Variants in RTL3 observed in about 807,000 individuals in gnomAD.
RTL3 encodes retrotransposon Gag-like protein 3.
For synonymous variants in RTL3, 181 were observed against 132.2 expected (o/e 1.37, Z -2.53); for missense variants, 468 against 341.8 (o/e 1.37, Z -2.91).
Position 78,657,856 on chromosome X carries a change from G to A in RTL3, c.565C>T (p.Gln189Ter), listed in dbSNP as rs1174455473. 1 of 1,206,793 alleles carries A rather than the reference G, an allele frequency of 8.3e-7. No individual in the cohort carries two copies. Among genetic ancestry groups the A allele is most frequent in the African/African-American group, 1.8e-5 (1 of 56,686 alleles). The change falls in exon 2 of 2, where the codon CAG (glutamine) becomes TAG (stop). Residue 189 changes from glutamine to a stop codon, truncating the protein, a stop_gained. Coordinates refer to ENST00000321110, the MANE Select transcript of RTL3 (RefSeq NM_152694.3). LOFTEE classifies it low-confidence loss of function (END_TRUNC). ...GCATTTGAAGGCTCCAGAGGCTCCT[G>A]GGGAGGTGGAAGCTCAAGGAACTCT... ...QLEFLELPPP[Q>*]EPLEPSNAQE...
Position 78,657,430 on chromosome X carries a change from G to A in RTL3, c.991C>T (p.Gln331Ter). ...NMKDANQCIH[Q>*]LCQGEGHVAT... ...ACATGACCCTCCCCTTGGCAGAGTTGATGGATGCACTGGTTGGCATCTTTC... is the reference window on the plus strand; with the variant it reads ...ACATGACCCTCCCCTTGGCAGAGTTAATGGATGCACTGGTTGGCATCTTTC... The change falls in exon 2 of 2, where the codon CAA becomes TAA. Residue 331 changes from glutamine (Q) to a stop codon, truncating the protein, a stop_gained. Coordinates refer to ENST00000321110, the MANE Select transcript of RTL3 (RefSeq NM_152694.3). LOFTEE classifies it low-confidence loss of function (END_TRUNC). 8.3e-7 allele frequency: 1 copy of A among 1,211,608 alleles called. No homozygotes were observed. The highest frequency in any genetic ancestry group is 1.1e-6 in the Non-Finnish European group (1 of 895,343).
At position 78,656,866 on chromosome X, in the gene RTL3, A is replaced by G; in HGVS notation, c.*127T>C. Reference sequence around the variant, plus strand: ...GCTGTTTCTGTAGGAGCCTGAATCTACCATTGCTTGCTCAAAGAATTATCT... The same window carrying G: ...GCTGTTTCTGTAGGAGCCTGAATCTGCCATTGCTTGCTCAAAGAATTATCT... On this transcript the variant is annotated 3_prime_UTR_variant, in exon 2 of 2. Coordinates refer to ENST00000321110, the MANE Select transcript of RTL3 (RefSeq NM_152694.3). The G allele has an allele frequency of 1.4e-6, 1 of 730,115 alleles. No homozygotes were observed. The highest frequency in any genetic ancestry group is 1.9e-6 in the Non-Finnish European group (1 of 516,042). 60.2% of individuals were successfully genotyped at this position (730,115 alleles called of 1,213,427 possible). A position where few individuals can be genotyped will look rare whatever the true frequency, so the allele number is the denominator to read the frequency against.
In RTL3 at chrX:78,657,993, T is replaced by C; in HGVS notation, c.428A>G (p.Asn143Ser). ...TTGGGCTATTGTGGCATCCTGGGTG[T>C]TTGCAGGCCCCTGGCCCTCCAAGAC... is the stretch of plus-strand genomic sequence containing the variant. The part of the protein sequence containing the change: ...PTVLEGQGPA[N>S]TQDATIAQEP... The change falls in exon 2 of 2, where the codon AAC becomes AGC. Residue 143 changes from asparagine to serine, a missense_variant. Transcript: ENST00000321110. 1.7e-6 allele frequency: 2 copies of C among 1,197,149 alleles called. No homozygotes were observed. Among genetic ancestry groups the C allele is most frequent in the Non-Finnish European group, 2.2e-6 (2 of 890,822 alleles).
At position 78,656,806 on chromosome X, in the gene RTL3, G is replaced by A. The variant is rs1922994273; in HGVS notation, c.*187C>T. The A allele has an allele frequency of 6.5e-6, 3 of 463,653 alleles. No homozygotes were observed. Among genetic ancestry groups the A allele is most frequent in the Admixed American group, 8.7e-5 (2 of 23,077 alleles). 38.2% of individuals were successfully genotyped at this position (463,653 alleles called of 1,213,427 possible). On this transcript the variant is annotated 3_prime_UTR_variant, in exon 2 of 2. Transcript: ENST00000321110. ...CAGAGGGAAGATATTACTGCGGATG[G>A]GCAGCTTCTCTCGAAGAACCACAGT... is the stretch of plus-strand genomic sequence containing the variant.
Position 78,657,952 on chromosome X carries a change from C to A in RTL3, c.469G>T (p.Glu157Ter). 1 of 1,208,309 alleles carries A rather than the reference C, an allele frequency of 8.3e-7. No individual in the cohort carries two copies. Among genetic ancestry groups the A allele is most frequent in the South Asian group, 1.8e-5 (1 of 56,323 alleles). The change falls in exon 2 of 2, where the codon GAA becomes TAA. Residue 157 changes from glutamate to a stop codon, truncating the protein, a stop_gained. Transcript: ENST00000321110. LOFTEE classifies it low-confidence loss of function (END_TRUNC). ...ATIAQEPKNS[E>*]PQDPPNIEKP... ...TCAATATTTGGGGGATCCTGGGGTT[C>A]TGAATTCTTGGGCTCTTGGGCTATT...
Position 78,658,060 on chromosome X carries a change from G to A in RTL3, c.361C>T (p.Arg121Trp), listed in dbSNP as rs146639123. The change falls in exon 2 of 2, where the codon CGG (arginine) becomes TGG (tryptophan). Residue 121 changes from arginine (R) to tryptophan (W), a missense_variant. Physicochemically the swap from Arg to Trp is moderately radical, Grantham distance 101. Coordinates refer to ENST00000321110, the MANE Select transcript of RTL3 (RefSeq NM_152694.3). ...GCCATTGGAGGTTTCTGGGACTCCC[G>A]GGTTGCTGGAGGCGCCAGGGACTCT... ...APESLAPPAT[R>W]ESQKPPMAHE... 3,504 of 1,151,574 alleles carry A rather than the reference G, an allele frequency of 3.0e-3. 73 individuals are homozygous for A. The African/African-American group carries it at 0.057, about 19-fold the overall frequency. The allele number at this position is 1,151,574 out of a possible 1,213,427, so 94.9% of individuals were successfully genotyped here.
At position 78,658,306 on chromosome X, in the gene RTL3, C is replaced by T. The variant is rs1923061096; in HGVS notation, c.115G>A (p.Glu39Lys). The T allele has an allele frequency of 8.3e-7, 1 of 1,211,125 alleles. No homozygotes were observed. The highest frequency in any genetic ancestry group is 1.1e-6 in the Non-Finnish European group (1 of 895,386). Residue 39 changes from glutamate (E) to lysine (K), a missense_variant, in exon 2 of 2, where the codon GAG becomes AAG. By Grantham distance (56) the Glu-to-Lys change is moderately conservative (BLOSUM62 1). Coordinates refer to ENST00000321110, the MANE Select transcript of RTL3 (RefSeq NM_152694.3). ...ENAALQAQIP[E>K]LQKSQAAKEY... ...TTGGCTGCTTGGGACTTCTGAAGCT[C>T]TGGGATCTGGGCCTGGAGAGCAGCA...
In RTL3 at chrX:78,657,582, C is replaced by T; in HGVS notation, c.839G>A (p.Gly280Asp). 8.3e-7 allele frequency: 1 copy of T among 1,206,956 alleles called. No individual in the cohort carries two copies. Among genetic ancestry groups the T allele is most frequent in the East Asian group, 3.0e-5 (1 of 33,716 alleles). Residue 280 changes from glycine to aspartate, a missense_variant, in exon 2 of 2, where the codon GGC (glycine) becomes GAC (aspartate). By Grantham distance (94) the Gly-to-Asp change is moderately conservative. Transcript: ENST00000321110. Reference protein sequence around the residue: ...PTEAALVSFVGNCFSGRAGWW... With the variant: ...PTEAALVSFVDNCFSGRAGWW... ...TCCTGCCCTACCTGAGAAGCAATTG[C>T]CAACAAAGCTCACCAGGGCTGCTTC...
chrX:78,658,378 C>A lies in RTL3; in HGVS notation c.43G>T (p.Glu15Ter). ...LAASYIVLKL[E>*]NEIRQAQVQW... ...ACTTGAGCCTGCCGAATTTCATTCT[C>A]CAATTTCAGAACAATATAGGAGGCT... The change falls in exon 2 of 2, where the codon GAG (glutamate) becomes TAG (stop). Residue 15 changes from glutamate (E) to a stop codon, truncating the protein, a stop_gained. Transcript: ENST00000321110. LOFTEE classifies it low-confidence loss of function (END_TRUNC). 8.3e-7 allele frequency: 1 copy of A among 1,210,480 alleles called. No homozygotes were observed. The highest frequency in any genetic ancestry group is 1.1e-6 in the Non-Finnish European group (1 of 895,041).
chrX:78,657,531 A>T lies in RTL3; in HGVS notation c.890T>A (p.Ile297Asn). 8.3e-7 allele frequency: 1 copy of T among 1,207,068 alleles called. No individual in the cohort carries two copies. Reference sequence around the variant, plus strand: ...ACATTGCTCCAGTAAGGGGCTTTGGATATCCAGTAAGAGCTGGAACCACCA... The same window carrying T: ...ACATTGCTCCAGTAAGGGGCTTTGGTTATCCAGTAAGAGCTGGAACCACCA... ...AGWWFQLLLDIQSPLLEQCES... is the reference protein window; with the variant it reads ...AGWWFQLLLDNQSPLLEQCES... Residue 297 changes from isoleucine to asparagine, a missense_variant, in exon 2 of 2, where the codon ATC (isoleucine) becomes AAC (asparagine). By Grantham distance (149) the Ile-to-Asn change is moderately radical. Transcript: ENST00000321110.
At chrX:78,659,081 C>A (rs1923081608) in intron 1 of RTL3, among the ~76,000 whole-genome samples, 180 bp downstream of exon 1, 1 of 107,428 alleles carries the variant, frequency 9.3e-6, no homozygotes, top group African/African-American at 3.4e-5. Context: ...GGAGCTCTTT[C>A]TGACACCTCA....
chrX:78,656,942 T>C lies in RTL3; in HGVS notation c.*51A>G, dbSNP rs750603912. 6 of 1,096,819 alleles carry C rather than the reference T, an allele frequency of 5.5e-6. No individual in the cohort carries two copies. Among genetic ancestry groups the C allele is most frequent in the Non-Finnish European group, 7.3e-6 (6 of 817,981 alleles). The allele number at this position is 1,096,819 out of a possible 1,213,427, so 90.4% of individuals were successfully genotyped here. ...AGCCATAGTGTATGAGACATGGATATTGGAAGAGAGGGGGACGCATATTTG... is the reference window on the plus strand; with the variant it reads ...AGCCATAGTGTATGAGACATGGATACTGGAAGAGAGGGGGACGCATATTTG... On this transcript the variant is annotated 3_prime_UTR_variant, in exon 2 of 2. Coordinates refer to ENST00000321110, the MANE Select transcript of RTL3 (RefSeq NM_152694.3).
Position 78,658,124 on chromosome X carries a change from G to A in RTL3, c.297C>T (p.Pro99=). The A allele has an allele frequency of 2.6e-6, 3 of 1,153,265 alleles. No homozygotes were observed. The highest frequency in any genetic ancestry group is 3.4e-6 in the Non-Finnish European group (3 of 871,110). The change falls in exon 2 of 2, where the codon CCC becomes CCT. Residue 99 remains proline, a synonymous_variant. Transcript: ENST00000321110. The part of the protein sequence containing the change: ...PEPQDLLPWE[P]PAAWELQEAP... ...CCTCCTGGAGTTCCCAGGCTGCTGG[G>A]GGTTCCCAGGGTAGAAGATCCTGTG...
rs1172774638 is a variant in RTL3 at position 78,658,007 on chromosome X, G to A, written c.414C>T (p.Gly138=). 4 of 1,187,575 alleles carry A rather than the reference G, an allele frequency of 3.4e-6. No homozygotes were observed. In the African/African-American group the frequency reaches 5.3e-5, roughly 16 times the overall value. ...MAHEIPTVLE[G]QGPANTQDAT... is the part of the protein sequence containing the mutation. The stretch of plus-strand genomic sequence containing the variant: ...CATCCTGGGTGTTTGCAGGCCCCTG[G>A]CCCTCCAAGACTGTTGGGATCTCAT... The change falls in exon 2 of 2, where the codon GGC becomes GGT. Residue 138 remains glycine (G), a synonymous_variant. Transcript: ENST00000321110.
Position 78,658,498 on chromosome X carries a change from A to G in RTL3, c.-78T>C. The G allele has an allele frequency of 2.1e-6, 2 of 941,253 alleles. No homozygotes were observed. The highest frequency in any genetic ancestry group is 2.9e-6 in the Non-Finnish European group (2 of 698,187). 77.6% of individuals were successfully genotyped at this position (941,253 alleles called of 1,213,427 possible). A position where few individuals can be genotyped will look rare whatever the true frequency, so the allele number is the denominator to read the frequency against. ...GGGTGTTTGTGAGATCCTTCCTGAA[A>G]GCTGCTTACAGGCAGATGTCAGGCT... is the stretch of plus-strand genomic sequence containing the variant. On this transcript the variant is annotated 5_prime_UTR_variant, in exon 2 of 2. Coordinates refer to ENST00000321110, the MANE Select transcript of RTL3 (RefSeq NM_152694.3).
chrX:78,658,579 G>T lies in RTL3; in HGVS notation c.-159C>A. On this transcript the variant is annotated 5_prime_UTR_variant, in exon 2 of 2. Coordinates refer to ENST00000321110, the MANE Select transcript of RTL3 (RefSeq NM_152694.3). ...CCCCGCCAAGGCTGATTATCAAGAG[G>T]TCACTGGGAGCCTCCGGAGCTCGGC... 6.4e-6 allele frequency: 3 copies of T among 470,888 alleles called. No individual in the cohort carries two copies. The highest frequency in any genetic ancestry group is 3.4e-6 in the Non-Finnish European group (1 of 293,802). 38.8% of individuals were successfully genotyped at this position (470,888 alleles called of 1,213,427 possible).
rs756056757 is a variant in RTL3, at chrX:78,657,231, TCAGGCTTCTCTTC to T, written c.1177_1189del (p.Glu393IlefsTer5). On this transcript the variant is annotated frameshift_variant, in exon 2 of 2. Transcript: ENST00000321110. LOFTEE classifies it low-confidence loss of function (END_TRUNC). Reference sequence around the variant, plus strand: ...GGAACTTTTCCCTAATGGATTGGGATCAGGCTTCTCTTCCAGGCTGATGCACTGAGTGATGAGA... The same window carrying T: ...GGAACTTTTCCCTAATGGATTGGGATCAGGCTGATGCACTGAGTGATGAGA... 8 of 1,212,170 alleles carry T rather than the reference TCAGGCTTCTCTTC, an allele frequency of 6.6e-6. No individual in the cohort carries two copies. The highest frequency in any genetic ancestry group is 7.8e-6 in the Non-Finnish European group (7 of 895,614).
chrX:78,658,427 A>C lies in RTL3; in HGVS notation c.-7T>G. ...CTGCTAAGTCCTCCACCATCTTTTG[A>C]GGAAATGGGTATGATTTGACAATTT... On this transcript the variant is annotated 5_prime_UTR_variant, in exon 2 of 2. Coordinates refer to ENST00000321110, the MANE Select transcript of RTL3 (RefSeq NM_152694.3). The C allele has an allele frequency of 8.5e-7, 1 of 1,178,055 alleles. No individual in the cohort carries two copies. The highest frequency in any genetic ancestry group is 1.1e-6 in the Non-Finnish European group (1 of 877,295).
At position 78,656,838 on chromosome X, in the gene RTL3, A is replaced by G; in HGVS notation, c.*155T>C. 1.7e-6 allele frequency: 1 copy of G among 574,603 alleles called. No individual in the cohort carries two copies. Among genetic ancestry groups the G allele is most frequent in the Non-Finnish European group, 2.6e-6 (1 of 377,421 alleles). 47.4% of individuals were successfully genotyped at this position (574,603 alleles called of 1,213,427 possible). A position where few individuals can be genotyped will look rare whatever the true frequency, so the allele number is the denominator to read the frequency against. On this transcript the variant is annotated 3_prime_UTR_variant, in exon 2 of 2. Coordinates refer to ENST00000321110, the MANE Select transcript of RTL3 (RefSeq NM_152694.3). The stretch of plus-strand genomic sequence containing the variant: ...TCTCTCGAAGAACCACAGTATGATC[A>G]ATGCTGTTTCTGTAGGAGCCTGAAT...
Sources: allele counts gnomAD v4.1 joint callset (sites outside exome capture counted in the v4.1 genomes callset), GRCh38; gene constraint gnomAD v4.1.1; transcripts MANE v1.5; gene names NCBI Gene and HGNC (gene_info 2026-07-23, HGNC 2026-07-21).